Variants in UTP6 observed in about 807,000 individuals in gnomAD.
UTP6 encodes U3 small nucleolar RNA-associated protein 6 homolog.
Under a neutral mutation model 96.5 loss-of-function variants are expected in UTP6, and 60 were observed. That is an observed-to-expected ratio of 0.62 (90% CI 0.51 to 0.77). The LOEUF (loss-of-function observed/expected upper bound fraction) is 0.77, where lower values mean the gene tolerates loss of function less well. Among genes scored for constraint, UTP6 ranks in the 30% least tolerant of loss-of-function variants. UTP6 has a pLI of 0.00. For synonymous variants in UTP6, 215 were observed against 240.1 expected (o/e 0.90, Z 0.96); for missense variants, 637 against 706.5 (o/e 0.90, Z 1.12).
chr17:31,870,293 G>A (rs1910078334), intron 16 of UTP6, among the ~76,000 whole-genome samples: 1 of 152,080 alleles, frequency 6.6e-6, no homozygotes, highest in African/African-American at 2.4e-5. Flanking sequence ...CCCACCAACA[G>A]TATATAAGGT....
chr17:31,866,090 A>G (rs2142286841), intron 17 of UTP6, among the ~76,000 whole-genome samples: 1 of 151,756 alleles, frequency 6.6e-6, no homozygotes, highest in South Asian at 2.1e-4. Context: ...GATCGAGACC[A>G]TCCTGGCTAC....
chr17:31,863,706 G>GT (rs1386955881), intron 18 of UTP6, among the ~76,000 whole-genome samples, 190 bp from the exon 19 acceptor site: 1 of 151,902 alleles, frequency 6.6e-6, no homozygotes, highest in Non-Finnish European at 1.5e-5. Flanking sequence ...GTTTTTGTGT[G>GT]TTTTTTTCTT....
chr17:31,890,999 A>C (rs1002488235), intron 6 of UTP6, among the ~76,000 whole-genome samples: 2 of 152,202 alleles, frequency 1.3e-5, no homozygotes, highest in African/African-American at 4.8e-5. Flanking sequence ...AAAAAATAAA[A>C]AATAAAATAA....
chr17:31,870,406 A>C (rs1310774429), intron 16 of UTP6, among the ~76,000 whole-genome samples: 1 of 152,018 alleles, frequency 6.6e-6, no homozygotes, highest in Non-Finnish European at 1.5e-5. Context: ...CATTTCTCTA[A>C]AAGTTAGTCA....
rs937381038 is a variant in UTP6, at chr17:31,861,012, G to T, written c.*2347C>A. ...ATTAACTGCTTGGGGAAAAAGAGTTGTTCTCAGCACCAGGAAGAGCTTCCA... is the reference window on the plus strand; with the variant it reads ...ATTAACTGCTTGGGGAAAAAGAGTTTTTCTCAGCACCAGGAAGAGCTTCCA... On this transcript the variant is annotated 3_prime_UTR_variant, in exon 19 of 19. Coordinates refer to ENST00000261708, the MANE Select transcript of UTP6 (RefSeq NM_018428.3). 1.3e-5 allele frequency: 2 copies of T among 152,098 alleles called. No individual in the cohort carries two copies. The highest frequency in any genetic ancestry group is 6.6e-5 in the Admixed American group (1 of 15,258). 9.4% of individuals were successfully genotyped at this position (152,098 alleles called of 1,614,324 possible).
intron 10 of UTP6, among the ~76,000 whole-genome samples, chr17:31,882,924 T>A (rs1910927953): frequency 6.6e-6 from 1 of 152,110 alleles, no homozygotes; most frequent in Non-Finnish European, 1.5e-5. Flanking sequence ...TAGCTGGGAC[T>A]ACAGGCACAT....
At chr17:31,882,415 G>A (rs1011576240) in intron 10 of UTP6, among the ~76,000 whole-genome samples, 1 of 151,738 alleles carries the variant, frequency 6.6e-6, no homozygotes, top group Non-Finnish European at 1.5e-5. Flanking sequence ...CCACCTTCCA[G>A]GTTCAAGCGA....
In UTP6 at chr17:31,863,360, C is replaced by T; in HGVS notation, c.1793G>A (p.Ter598=). 6.2e-7 allele frequency: 1 copy of T among 1,612,068 alleles called. No individual in the cohort carries two copies. Among genetic ancestry groups the T allele is most frequent in the Non-Finnish European group, 8.5e-7 (1 of 1,179,552 alleles). Residue 598 remains the stop codon, a stop_retained_variant, in exon 19 of 19, where the codon TGA becomes TAA. Transcript: ENST00000261708. ...KHAMHQTGHL[*] is the part of the protein sequence containing the mutation. ...CAAAGCTGACTGTATTCTTCATCTT[C>T]ATAAATGGCCAGTCTGATGCATAGC...
intron 14 of UTP6, 83 bp from the exon 15 acceptor site, chr17:31,873,836 T>C (rs1231425667): frequency 2.1e-6 from 3 of 1,430,324 alleles, no homozygotes; most frequent in Admixed American, 2.4e-5. Flanking sequence ...TAAAATATTA[T>C]GTATCAATTT....
intron 16 of UTP6, among the ~76,000 whole-genome samples, chr17:31,871,454 T>A (rs1456445430): frequency 6.6e-6 from 1 of 152,116 alleles, no homozygotes; most frequent in African/African-American, 2.4e-5. Context: ...ATGATGTTTA[T>A]AAAGAATTTT....
chr17:31,870,487 TTTTG>T (rs1910092893), intron 16 of UTP6, among the ~76,000 whole-genome samples: 1 of 151,796 alleles, frequency 6.6e-6, no homozygotes, highest in Non-Finnish European at 1.5e-5. Flanking sequence ...GTTTTGGGTT[TTTTG>T]TTTTTGTTGT....
Position 31,873,805 on chromosome 17 carries a change from C to T in UTP6, c.1306-52G>A, listed in dbSNP as rs80007545. 4.7e-4 allele frequency: 720 copies of T among 1,539,216 alleles called. 3 individuals are homozygous for T. The African/African-American group carries it at 8.8e-3, about 19-fold the overall frequency. On this transcript the variant is annotated intron_variant, in intron 14 of 18. Coordinates refer to ENST00000261708, the MANE Select transcript of UTP6 (RefSeq NM_018428.3). ...TAGAGAACAGCATATAACAAAACAT[C>T]GCATGTACCCTATAAATATGTAAAA... is the stretch of plus-strand genomic sequence containing the variant.
At position 31,861,668 on chromosome 17, in the gene UTP6, G is replaced by T. The variant is rs930871602; in HGVS notation, c.*1691C>A. 6.6e-6 allele frequency: 1 copy of T among 151,916 alleles called. No individual in the cohort carries two copies. The highest frequency in any genetic ancestry group is 2.4e-5 in the African/African-American group (1 of 41,332). The allele number at this position is 151,916 out of a possible 1,614,324, so 9.4% of individuals were successfully genotyped here. A position where few individuals can be genotyped will look rare whatever the true frequency, so the allele number is the denominator to read the frequency against. Reference sequence around the variant, plus strand: ...TAGTAAGAAAAAAAATTTTTAAATAGTCTAAGGATGTAAAAAGATGAGAAA... The same window carrying T: ...TAGTAAGAAAAAAAATTTTTAAATATTCTAAGGATGTAAAAAGATGAGAAA... On this transcript the variant is annotated 3_prime_UTR_variant, in exon 19 of 19. Coordinates refer to ENST00000261708, the MANE Select transcript of UTP6 (RefSeq NM_018428.3).
At chr17:31,893,181 G>A (rs1904426594) in intron 4 of UTP6, among the ~76,000 whole-genome samples, 1 of 152,128 alleles carries the variant, frequency 6.6e-6, no homozygotes, top group Non-Finnish European at 1.5e-5. Flanking sequence ...GTTGAGACAG[G>A]AGAATCGCTT....
chr17:31,878,127 A>G, intron 13 of UTP6, 123 bp downstream of exon 13: 1 of 872,480 alleles, frequency 1.1e-6, no homozygotes, highest in Non-Finnish European at 1.8e-6. Flanking sequence ...AACACACTTC[A>G]CATACCGAAC....
chr17:31,862,950 A>C lies in UTP6; in HGVS notation c.*409T>G. ...GCTTGACCTGGGATAATTTTAAAAA[A>C]ACCCAGTCGTATGCTATCCATGTAT... is the stretch of plus-strand genomic sequence containing the variant. On this transcript the variant is annotated 3_prime_UTR_variant, in exon 19 of 19. Coordinates refer to ENST00000261708, the MANE Select transcript of UTP6 (RefSeq NM_018428.3). 1 of 158,416 alleles carries C rather than the reference A, an allele frequency of 6.3e-6. No homozygotes were observed. The highest frequency in any genetic ancestry group is 1.4e-5 in the Non-Finnish European group (1 of 71,684). The allele number at this position is 158,416 out of a possible 1,614,324, so 9.8% of individuals were successfully genotyped here.
intron 14 of UTP6, 83 bp from the exon 15 acceptor site, chr17:31,873,836 T>TAG: frequency 7.0e-7 from 1 of 1,430,442 alleles, no homozygotes. Context: ...TAAAATATTA[T>TAG]GTATCAATTT....
intron 1 of UTP6, among the ~76,000 whole-genome samples, chr17:31,900,841 C>G (rs1049592120): frequency 1.3e-5 from 2 of 152,180 alleles, no homozygotes; most frequent in Non-Finnish European, 2.9e-5. Context: ...AGACAGGTGT[C>G]TTTAGTAATG....
At chr17:31,880,858 G>C in intron 10 of UTP6, 104 bp from the exon 11 acceptor site, 1 of 1,467,734 alleles carries the variant, frequency 6.8e-7, no homozygotes, top group Admixed American at 1.8e-5. Context: ...GGACATCCCT[G>C]TAACAACTGC....
Sources: allele counts gnomAD v4.1 joint callset (sites outside exome capture counted in the v4.1 genomes callset), GRCh38; gene constraint gnomAD v4.1.1; transcripts MANE v1.5; gene names NCBI Gene and HGNC (gene_info 2026-07-23, HGNC 2026-07-21).